Variants in LOC400499 observed in about 807,000 individuals in gnomAD.
At chr16:11,398,547 C>T in the LOC400499 span, 1 of 1,227,988 alleles carries the variant, frequency 8.1e-7, no homozygotes, top group Non-Finnish European at 1.0e-6. Context: ...GGCTCATCAC[C>T]TAAGAGAATG....
At chr16:11,510,323 C>T in the LOC400499 span, among the ~76,000 whole-genome samples, 2 of 151,806 alleles carry the variant, frequency 1.3e-5, no homozygotes, top group Non-Finnish European at 2.9e-5. Flanking sequence ...CACATTCATC[C>T]ATCTAATCCT....
chr16:11,479,866 G>A, the LOC400499 span, among the ~76,000 whole-genome samples: 10 of 152,036 alleles, frequency 6.6e-5, no homozygotes, highest in South Asian at 2.1e-4. Flanking sequence ...ACCCCACTGC[G>A]TCTCGTTGCT....
At chr16:11,404,452 T>C in the LOC400499 span, among the ~76,000 whole-genome samples, 1 of 152,112 alleles carries the variant, frequency 6.6e-6, no homozygotes, top group East Asian at 1.9e-4. Context: ...GTTCAAGCGA[T>C]TCTCCTGCCT....
At chr16:11,477,331 G>C in the LOC400499 span, among the ~76,000 whole-genome samples, 64 of 151,842 alleles carry the variant, frequency 4.2e-4, no homozygotes, top group African/African-American at 1.4e-3. Flanking sequence ...TGAGGGGCTG[G>C]GGACAGATGC....
chr16:11,501,283 A>T, the LOC400499 span, among the ~76,000 whole-genome samples: 1 of 152,150 alleles, frequency 6.6e-6, no homozygotes, highest in East Asian at 1.9e-4. Flanking sequence ...AAAAATCCCT[A>T]GCGGAACAGG....
the LOC400499 span, among the ~76,000 whole-genome samples, chr16:11,495,905 A>C: frequency 0.81 from 123,603 of 152,110 alleles, 50,712 homozygotes; most frequent in African/African-American, 0.9. Flanking sequence ...CAGGCATGAT[A>C]CCAACACTCA....
At chr16:11,519,742 G>C in the LOC400499 span, among the ~76,000 whole-genome samples, 2 of 146,050 alleles carry the variant, frequency 1.4e-5, no homozygotes, top group Non-Finnish European at 3.0e-5. Context: ...TTTTGCTCTT[G>C]TTTTCCAGGC....
chr16:11,378,612 A>C, the LOC400499 span, among the ~76,000 whole-genome samples: 70,267 of 151,916 alleles, frequency 0.46, 16,811 homozygotes, highest in Non-Finnish European at 0.54. Context: ...CCCTCATAGC[A>C]CTGCTTTTGC....
chr16:11,387,950 T>C, the LOC400499 span, among the ~76,000 whole-genome samples: 2 of 152,084 alleles, frequency 1.3e-5, no homozygotes, highest in African/African-American at 4.8e-5. Context: ...TTCTACAGTT[T>C]AGGGGAGGAC....
the LOC400499 span, chr16:11,440,630 G>A: frequency 2.5e-6 from 1 of 398,082 alleles, no homozygotes; most frequent in Non-Finnish European, 4.4e-6. Context: ...CATGTCTCCT[G>A]CCACCTCCTC....
At chr16:11,465,023 C>G in the LOC400499 span, among the ~76,000 whole-genome samples, 1 of 152,200 alleles carries the variant, frequency 6.6e-6, no homozygotes, top group Non-Finnish European at 1.5e-5. Flanking sequence ...ATTTTTGCAG[C>G]AAGACATCCA....
At chr16:11,525,566 T>TGGGCACC in the LOC400499 span, among the ~76,000 whole-genome samples, 1 of 152,200 alleles carries the variant, frequency 6.6e-6, no homozygotes, top group African/African-American at 2.4e-5. Flanking sequence ...ACTCGGACAC[T>TGGGCACC]GGGCACCAAA....
At chr16:11,415,937 GT>G in the LOC400499 span, among the ~76,000 whole-genome samples, 7,089 of 147,478 alleles carry the variant, frequency 0.048, 576 homozygotes, top group African/African-American at 0.17. Context: ...AAAATAAAGT[GT>G]TTTTTTTGCT....
the LOC400499 span, among the ~76,000 whole-genome samples, chr16:11,474,039 T>G: frequency 1.3e-3 from 204 of 152,340 alleles, no homozygotes; most frequent in African/African-American, 4.4e-3. Context: ...TTTTTATTTT[T>G]GTAGAGACAA....
At chr16:11,436,454 G>A in the LOC400499 span, among the ~76,000 whole-genome samples, 2 of 152,190 alleles carry the variant, frequency 1.3e-5, no homozygotes, top group Middle Eastern at 3.4e-3. Context: ...GAGGTCCAAG[G>A]CTCCACCAGC....
chr16:11,487,355 C>G, the LOC400499 span: 678 of 399,410 alleles, frequency 1.7e-3, 5 homozygotes, highest in African/African-American at 0.013. Context: ...AGAGAAGGGT[C>G]CCCTCCAGGT....
the LOC400499 span, chr16:11,435,973 T>A: frequency 6.8e-5 from 27 of 398,024 alleles, no homozygotes; most frequent in South Asian, 3.3e-3. Context: ...CCTGAGCCAC[T>A]CCAACTTTGA....
At chr16:11,414,278 C>T in the LOC400499 span, 1 of 399,090 alleles carries the variant, frequency 2.5e-6, no homozygotes, top group Admixed American at 4.4e-5. Context: ...GGGTCCTCTG[C>T]ACACCAGGAA....
chr16:11,506,823 G>A, the LOC400499 span, among the ~76,000 whole-genome samples: 67 of 152,282 alleles, frequency 4.4e-4, no homozygotes, highest in South Asian at 3.7e-3. Flanking sequence ...ATTTCAAGCC[G>A]AAGCTCATGA....
Sources: gnomAD v4.1 joint callset for allele counts (sites outside exome capture counted in the v4.1 genomes callset) on GRCh38, gnomAD v4.1.1 for gene constraint, MANE v1.5 for transcripts.